Variants in PHEX observed in about 807,000 individuals in gnomAD.
PHEX encodes the protein phosphate regulating endopeptidase X-linked, also known as phosphate-regulating neutral endopeptidase PHEX.
Under a neutral mutation model 68.0 loss-of-function variants are expected in PHEX, and 16 were observed. The observed-to-expected ratio is 0.24, with a 90% CI of 0.16 to 0.36. The LOEUF is 0.36. Ranked by LOEUF, PHEX falls within the 10% of genes least tolerant of loss-of-function variation. The probability of loss-of-function intolerance (pLI) is 1.00; values close to 1 mark genes in which losing one functional copy is unlikely to be tolerated. For missense variants in PHEX, 480 were observed against 575.5 expected, an observed-to-expected ratio of 0.83 and a Z score of 1.70; for synonymous variants, 208 against 205.1, an observed-to-expected ratio of 1.01 and a Z score of -0.12.
chrX:22,209,665 C>G (rs1476029371), intron 15 of PHEX, among the ~76,000 whole-genome samples: 1 of 108,078 alleles, frequency 9.3e-6, no homozygotes, highest in East Asian at 2.9e-4. Flanking sequence ...ACGTCTCTCT[C>G]CTTCCTCTCC....
chrX:22,238,467 G>T (rs777022379), intron 20 of PHEX, among the ~76,000 whole-genome samples: 1 of 109,220 alleles, frequency 9.2e-6, no homozygotes, highest in East Asian at 2.9e-4. Context: ...TTACAGTACC[G>T]GGCTCGGTGC....
At chrX:22,224,993 G>GATTTATTATTATACAGC in intron 18 of PHEX, among the ~76,000 whole-genome samples, 1 of 99,033 alleles carries the variant, frequency 1.0e-5, no homozygotes. Flanking sequence ...AGCTCTGTAT[G>GATTTATTATTATACAGC]TCAGAAGTCT....
chrX:22,109,626 G>A (rs1930865186), intron 9 of PHEX, among the ~76,000 whole-genome samples: 1 of 111,077 alleles, frequency 9.0e-6, no homozygotes, highest in Admixed American at 9.6e-5. Context: ...CATGTGATTG[G>A]CTCACCAGAA....
chrX:22,201,943 C>T (rs1016618515), intron 15 of PHEX, among the ~76,000 whole-genome samples: 1 of 107,376 alleles, frequency 9.3e-6, no homozygotes, highest in African/African-American at 3.6e-5. Context: ...GTCACAGTCT[C>T]ATTTGTCTTC....
chrX:22,051,526 A>C (rs1242888707), intron 3 of PHEX, among the ~76,000 whole-genome samples: 2 of 111,755 alleles, frequency 1.8e-5, no homozygotes, highest in Admixed American at 9.5e-5. Flanking sequence ...GTAAAATTCT[A>C]TCTCAAAAAA....
chrX:22,046,740 T>C (rs1035240023), intron 2 of PHEX, among the ~76,000 whole-genome samples: 3 of 109,855 alleles, frequency 2.7e-5, no homozygotes, highest in African/African-American at 1.0e-4. Context: ...CTAATTTTTG[T>C]ATTTTTAGTA....
chrX:22,246,936 T>C (rs1936410329), intron 21 of PHEX, among the ~76,000 whole-genome samples: 2 of 111,766 alleles, frequency 1.8e-5, no homozygotes, highest in Admixed American at 1.9e-4. Flanking sequence ...TTTTTGTGTG[T>C]GTGTGTGCTG....
At chrX:22,121,527 A>C (rs750659802) in intron 11 of PHEX, among the ~76,000 whole-genome samples, 8 of 111,992 alleles carry the variant, frequency 7.1e-5, no homozygotes, top group Admixed American at 1.9e-4. Context: ...GAGGAGCCTG[A>C]CTAAACTTTG....
At position 22,212,899 on chromosome X, in the gene PHEX, C is replaced by T. The variant is rs1231571804; in HGVS notation, c.1646-5C>T. ...ATATCTCTTAACATTTTTTCCTTCTCATAGGATTTCCAGCAGGAGAGCTCC... is the reference window on the plus strand; with the variant it reads ...ATATCTCTTAACATTTTTTCCTTCTTATAGGATTTCCAGCAGGAGAGCTCC... On this transcript the variant is annotated splice_region_variant and splice_polypyrimidine_tract_variant and intron_variant, in intron 15 of 21. Coordinates refer to ENST00000379374, the MANE Select transcript of PHEX (RefSeq NM_000444.6). 1 of 1,193,741 alleles carries T rather than the reference C, an allele frequency of 8.4e-7. No individual in the cohort carries two copies. Among genetic ancestry groups the T allele is most frequent in the East Asian group, 3.0e-5 (1 of 33,757 alleles).
At chrX:22,037,306 G>C (rs1255952593) in intron 1 of PHEX, among the ~76,000 whole-genome samples, 1 of 110,582 alleles carries the variant, frequency 9.0e-6, no homozygotes, top group Non-Finnish European at 1.9e-5. Context: ...TCCATCTCTA[G>C]CAGAAATATA....
chrX:22,072,280 A>G (rs1297965883), intron 3 of PHEX, among the ~76,000 whole-genome samples: 1 of 108,936 alleles, frequency 9.2e-6, no homozygotes, highest in Admixed American at 9.8e-5. Flanking sequence ...GCATGGTGAC[A>G]TGTGTCTGTA....
chrX:22,153,595 C>T (rs1417092460), intron 12 of PHEX, among the ~76,000 whole-genome samples: 1 of 111,146 alleles, frequency 9.0e-6, no homozygotes, highest in Admixed American at 9.6e-5. Context: ...CCTCTTTTCC[C>T]ACCCTCCCTT....
chrX:22,070,953 G>A (rs1569378393), intron 3 of PHEX, among the ~76,000 whole-genome samples: 1 of 112,145 alleles, frequency 8.9e-6, no homozygotes, highest in Non-Finnish European at 1.9e-5. Flanking sequence ...AGGTGGATAT[G>A]TCTTAGATAT....
At chrX:22,233,890 G>T (rs981446881) in intron 20 of PHEX, among the ~76,000 whole-genome samples, 12 of 111,950 alleles carry the variant, frequency 1.1e-4, no homozygotes, top group Admixed American at 9.4e-5. Flanking sequence ...AGGAGAGGAG[G>T]TATTTTGGTT....
chrX:22,174,317 A>T (rs1933632522), intron 13 of PHEX, among the ~76,000 whole-genome samples: 1 of 112,306 alleles, frequency 8.9e-6, no homozygotes, highest in Non-Finnish European at 1.9e-5. Context: ...TTTGGAGATT[A>T]CAAGCGGCTT....
intron 1 of PHEX, among the ~76,000 whole-genome samples, chrX:22,033,888 T>C (rs770674691): frequency 8.9e-6 from 1 of 112,172 alleles, no homozygotes; most frequent in South Asian, 3.7e-4. Context: ...ATTTTTCTCA[T>C]ACAACCCATA....
chrX:22,084,539 GTTTTT>G (rs76410908), intron 5 of PHEX, among the ~76,000 whole-genome samples: 4,674 of 75,811 alleles, frequency 0.062, 165 homozygotes, highest in African/African-American at 0.13. Flanking sequence ...CTTCTCTTCA[GTTTTT>G]TTTTTTTTTT....
intron 11 of PHEX, among the ~76,000 whole-genome samples, chrX:22,123,235 C>T (rs1357032851): frequency 9.1e-6 from 1 of 109,966 alleles, no homozygotes; most frequent in Non-Finnish European, 1.9e-5. Flanking sequence ...GCGATCTGCC[C>T]GCCTTGGCTT....
chrX:22,195,901 G>C (rs1289771737), intron 15 of PHEX, among the ~76,000 whole-genome samples: 1 of 111,942 alleles, frequency 8.9e-6, no homozygotes, highest in Non-Finnish European at 1.9e-5. Context: ...GTCTGGCTGG[G>C]TGTGGTGGCT....
Sources: allele counts gnomAD v4.1 joint callset (sites outside exome capture counted in the v4.1 genomes callset), GRCh38; gene constraint gnomAD v4.1.1; transcripts MANE v1.5; gene names NCBI Gene and HGNC (gene_info 2026-07-23, HGNC 2026-07-21).